SHISA9: variants seen among roughly 807,000 people sequenced by gnomAD.
The protein encoded by SHISA9 is protein shisa-9.
Under a neutral mutation model 38.0 loss-of-function variants are expected in SHISA9, and 13 were observed. The ratio of observed to expected loss-of-function variants is 0.34; its 90% CI spans 0.22 to 0.54. The LOEUF (loss-of-function observed/expected upper bound fraction) is 0.54. Among genes scored for constraint, SHISA9 ranks in the 20% least tolerant of loss-of-function variants. SHISA9 has a pLI of 0.91. For missense variants in SHISA9, 538 were observed against 575.8 expected, an observed-to-expected ratio of 0.93 and a Z score of 0.67; for synonymous variants, 275 against 242.0, an observed-to-expected ratio of 1.14 and a Z score of -1.27.
chr16:13,244,367 C>G (rs148454355), downstream of SHISA9, among the ~76,000 whole-genome samples: 13 of 152,154 alleles, frequency 8.5e-5, no homozygotes, highest in Non-Finnish European at 1.6e-4. Flanking sequence ...ACCCCTGAGA[C>G]AGCAAGACCA....
At chr16:12,979,052 C>T (rs2072205734) in intron 2 of SHISA9, among the ~76,000 whole-genome samples, 2 of 152,196 alleles carry the variant, frequency 1.3e-5, no homozygotes, top group Admixed American at 1.3e-4. Flanking sequence ...CTCCCAATCT[C>T]CACGTCTAAT....
At chr16:13,332,112 A>C in the SHISA9 span, 1 of 152,146 alleles carries the variant, frequency 6.6e-6, no homozygotes, top group Non-Finnish European at 1.5e-5. Flanking sequence ...ACACAAAAAC[A>C]ACAACAACAA....
At chr16:13,369,177 A>G in the SHISA9 span, among the ~76,000 whole-genome samples, 1 of 152,334 alleles carries the variant, frequency 6.6e-6, no homozygotes, top group Non-Finnish European at 1.5e-5. Context: ...GAAAGCGTAC[A>G]AAATAGTATT....
At chr16:13,019,876 C>CTTTCTTTCTT (rs2072814956) in intron 2 of SHISA9, among the ~76,000 whole-genome samples, 1 of 32,400 alleles carries the variant, frequency 3.1e-5, no homozygotes, top group African/African-American at 1.4e-4. Context: ...CCCTCCCTCC[C>CTTTCTTTCTT]TCCCTCCCTT....
chr16:13,130,357 A>C lies in SHISA9; in HGVS notation c.692-73037A>C, dbSNP rs114363691. Among the ~76,000 whole-genome samples the C allele has an allele frequency of 4.2e-3, 645 of 152,272 alleles. 8 individuals carry two copies. Among genetic ancestry groups the C allele is most frequent in the African/African-American group, 0.015 (614 of 41,560 alleles). On this transcript the variant is annotated intron_variant, in intron 2 of 4. Transcript: ENST00000558583. ...GCTCTCCCAAAATCACAACAGTAAT[A>C]ATTGGTGGGACTTGGATTCAAACTC...
intron 2 of SHISA9, among the ~76,000 whole-genome samples, chr16:13,035,746 G>A (rs918597005): frequency 1.3e-5 from 2 of 152,112 alleles, no homozygotes; most frequent in Non-Finnish European, 2.9e-5. Context: ...GGCCAGGCTG[G>A]CCTCAAACTC....
intron 2 of SHISA9, among the ~76,000 whole-genome samples, chr16:12,923,146 T>A (rs536113624): frequency 6.6e-6 from 1 of 152,320 alleles, no homozygotes; most frequent in East Asian, 1.9e-4. Flanking sequence ...TACTCTCATT[T>A]GATGAATGAG....
intron 2 of SHISA9, among the ~76,000 whole-genome samples, chr16:13,054,977 C>A (rs988975329): frequency 6.6e-6 from 1 of 152,142 alleles, no homozygotes; most frequent in Admixed American, 6.5e-5. Context: ...TTAGGGAGAC[C>A]TTCAGTGACG....
chr16:13,558,049 C>A, the SHISA9 span, among the ~76,000 whole-genome samples: 18,398 of 151,724 alleles, frequency 0.12, 1,375 homozygotes, highest in African/African-American at 0.2. Context: ...TGACAGAGAC[C>A]AAAAAAAATT....
At chr16:13,469,365 A>AAGAAAGAAAAGAAAAAG in the SHISA9 span, among the ~76,000 whole-genome samples, 154 of 64,414 alleles carry the variant, frequency 2.4e-3, no homozygotes, top group African/African-American at 3.3e-3. Flanking sequence ...AAAGAAAAGA[A>AAGAAAGAAAAGAAAAAG]AAAGAAAGAA....
chr16:13,168,938 C>T (rs1413013623), intron 2 of SHISA9, among the ~76,000 whole-genome samples: 10 of 152,238 alleles, frequency 6.6e-5, no homozygotes, highest in Non-Finnish European at 1.2e-4. Context: ...CTGGCAGGAA[C>T]ACTTTGCTCA....
chr16:13,389,102 G>T, the SHISA9 span, among the ~76,000 whole-genome samples: 1 of 152,102 alleles, frequency 6.6e-6, no homozygotes, highest in Non-Finnish European at 1.5e-5. Flanking sequence ...CAAGTCCAGG[G>T]TTCACTTTTG....
chr16:13,321,631 G>A, the SHISA9 span, among the ~76,000 whole-genome samples: 1 of 152,314 alleles, frequency 6.6e-6, no homozygotes, highest in African/African-American at 2.4e-5. Context: ...ATAACTTAAT[G>A]AGTTTATGTG....
intron 2 of SHISA9, among the ~76,000 whole-genome samples, chr16:13,160,640 G>T (rs1014970533): frequency 9.8e-5 from 15 of 152,310 alleles, no homozygotes; most frequent in African/African-American, 3.6e-4. Flanking sequence ...ACCAAAATCT[G>T]ATGAGAAAAT....
chr16:13,478,499 C>T, the SHISA9 span, among the ~76,000 whole-genome samples: 6 of 152,122 alleles, frequency 3.9e-5, no homozygotes, highest in South Asian at 2.1e-4. Flanking sequence ...CTATAGTTTA[C>T]CCCCTAGAAA....
chr16:13,364,785 T>G, the SHISA9 span, among the ~76,000 whole-genome samples: 1 of 152,218 alleles, frequency 6.6e-6, no homozygotes, highest in African/African-American at 2.4e-5. Context: ...ATAATAAAAG[T>G]ATCTGTGTTC....
chr16:13,530,879 A>G, the SHISA9 span, among the ~76,000 whole-genome samples: 8 of 152,186 alleles, frequency 5.3e-5, no homozygotes, highest in African/African-American at 1.7e-4. Flanking sequence ...CAATGAGACA[A>G]GAACAGGCGC....
At chr16:13,260,654 A>T in the SHISA9 span, among the ~76,000 whole-genome samples, 1 of 152,146 alleles carries the variant, frequency 6.6e-6, no homozygotes, top group Admixed American at 6.5e-5. Context: ...AAGCCATTCA[A>T]TGAGTCTCTA....
chr16:13,221,442 T>C (rs1214713367), intron 4 of SHISA9, among the ~76,000 whole-genome samples: 1 of 116,750 alleles, frequency 8.6e-6, no homozygotes, highest in Non-Finnish European at 1.8e-5. Flanking sequence ...CCTGGACTTT[T>C]TTTTTTTTTT....
Sources: gnomAD v4.1 joint callset for allele counts (sites outside exome capture counted in the v4.1 genomes callset) on GRCh38, gnomAD v4.1.1 for gene constraint, MANE v1.5 for transcripts, NCBI Gene and HGNC (gene_info 2026-07-23, HGNC 2026-07-21) for gene names.